Variants in DOCK11 observed in about 807,000 individuals in gnomAD.
DOCK11 encodes dedicator of cytokinesis protein 11.
A neutral mutation model predicts 169.1 loss-of-function variants in DOCK11; 70 were observed. That is an observed-to-expected ratio of 0.41 (90% CI 0.34 to 0.51). The LOEUF is 0.51. DOCK11 is among the 20% of genes least tolerant of loss of function. The pLI, the probability that DOCK11 is intolerant of heterozygous loss-of-function variation, is 0.10. For synonymous variants in DOCK11, 529 were observed against 541.3 expected, an observed-to-expected ratio of 0.98 and a Z score of 0.32; for missense variants, 1,166 against 1,538.8, an observed-to-expected ratio of 0.76 and a Z score of 4.05.
intron 12 of DOCK11, 118 bp from the exon 13 acceptor site, chrX:118,578,407 G>C (rs1300221737): frequency 1.3e-6 from 1 of 786,758 alleles, no homozygotes; most frequent in Non-Finnish European, 1.8e-6. Context: ...TCTATTTCTA[G>C]GGTCCTGGAC....
chrX:118,670,887 G>A (rs1251943101), intron 45 of DOCK11, 136 bp from the exon 46 acceptor site: 3 of 432,514 alleles, frequency 6.9e-6, no homozygotes, highest in East Asian at 4.1e-5. Context: ...CGTCACACAA[G>A]TATGTTCCTT....
chrX:118,619,338 G>A (rs1264722575), intron 31 of DOCK11, among the ~76,000 whole-genome samples: 2 of 104,639 alleles, frequency 1.9e-5, no homozygotes. Flanking sequence ...GCCGGGCGTG[G>A]TGGCACACAC....
rs948870892 is a variant in DOCK11 at position 118,615,766 on chromosome X, C to T, written c.3292+55C>T. ...TTTGTTTTTTTCCATGTTTTGCTAG[C>T]GCTAGTGTAGTATAATGTTTTCTAG... On this transcript the variant is annotated intron_variant, in intron 30 of 52. Transcript: ENST00000276202. 2.1e-5 allele frequency: 20 copies of T among 935,832 alleles called. No homozygotes were observed. In the Middle Eastern group the frequency reaches 7.9e-4, roughly 37 times the overall value. The allele number at this position is 935,832 out of a possible 1,213,427, so 77.1% of individuals were successfully genotyped here.
intron 6 of DOCK11, among the ~76,000 whole-genome samples, chrX:118,549,819 G>A (rs938350665): frequency 1.8e-5 from 2 of 110,421 alleles, no homozygotes; most frequent in African/African-American, 3.3e-5. Flanking sequence ...CTCCCACCTT[G>A]TCCTCCCAAA....
intron 20 of DOCK11, among the ~76,000 whole-genome samples, chrX:118,596,624 A>G (rs962044448): frequency 8.9e-6 from 1 of 112,281 alleles, no homozygotes; most frequent in African/African-American, 3.2e-5. Flanking sequence ...AGTAATTTCT[A>G]TAATGGAAAT....
At chrX:118,604,521 C>CTTTTTTTT (rs74504860) in intron 23 of DOCK11, among the ~76,000 whole-genome samples, 13 of 38,197 alleles carry the variant, frequency 3.4e-4, no homozygotes, top group Non-Finnish European at 4.2e-4. Flanking sequence ...GGTTTGTTTC[C>CTTTTTTTT]TTTTTTTTTT....
At chrX:118,676,551 A>T (rs935827401) in intron 47 of DOCK11, 40 bp from the exon 48 acceptor site, 1 of 830,334 alleles carries the variant, frequency 1.2e-6, no homozygotes, top group Non-Finnish European at 1.6e-6. Context: ...GTGTTTGCTC[A>T]TATTATTTAT....
chrX:118,511,275 C>G (rs748432849), intron 1 of DOCK11, among the ~76,000 whole-genome samples: 6 of 112,163 alleles, frequency 5.3e-5, no homozygotes, highest in Middle Eastern at 4.6e-3. Flanking sequence ...TACACATTCA[C>G]TATCTTCACT....
At chrX:118,510,075 A>G (rs532828569) in intron 1 of DOCK11, among the ~76,000 whole-genome samples, 2 of 112,237 alleles carry the variant, frequency 1.8e-5, no homozygotes, top group South Asian at 7.3e-4. Flanking sequence ...TAATTTAATC[A>G]TGCCTGCAAA....
intron 44 of DOCK11, 64 bp from the exon 45 acceptor site, chrX:118,662,622 G>A: frequency 1.6e-6 from 1 of 623,767 alleles, no homozygotes; most frequent in Non-Finnish European, 2.7e-6. Context: ...TCTCTGTAAG[G>A]CTCACTGTTA....
At chrX:118,536,652 A>G (rs2011764021) in intron 1 of DOCK11, among the ~76,000 whole-genome samples, 1 of 111,842 alleles carries the variant, frequency 8.9e-6, no homozygotes, top group African/African-American at 3.3e-5. Context: ...AAAGGGCATG[A>G]TAGATGCACA....
chrX:118,660,555 C>T (rs1174248618), intron 44 of DOCK11, among the ~76,000 whole-genome samples: 1 of 109,346 alleles, frequency 9.1e-6, no homozygotes, highest in Non-Finnish European at 1.9e-5. Flanking sequence ...AGCTCCACCT[C>T]CCGGGTTCAC....
intron 19 of DOCK11, among the ~76,000 whole-genome samples, chrX:118,591,743 T>C (rs1332112370): frequency 1.1e-5 from 1 of 91,954 alleles, no homozygotes; most frequent in Non-Finnish European, 2.2e-5. Flanking sequence ...TAACTCGTCA[T>C]TTAGCATTAG....
Position 118,643,554 on chromosome X carries a change from T to C in DOCK11, c.4358T>C (p.Leu1453Pro). 1 of 1,211,467 alleles carries C rather than the reference T, an allele frequency of 8.3e-7. No homozygotes were observed. Among genetic ancestry groups the C allele is most frequent in the Non-Finnish European group, 1.1e-6 (1 of 895,270 alleles). ...AAAAATGGACAATCTGAAGTGTCGC[T>C]GAAACATGTATTTGCCTCACTGAGA... The part of the protein sequence containing the change: ...FLKNGQSEVS[L>P]KHVFASLRAF... The change falls in exon 40 of 53, where the codon CTG becomes CCG. Residue 1453 changes from leucine (L) to proline (P), a missense_variant. Coordinates refer to ENST00000276202, the MANE Select transcript of DOCK11 (RefSeq NM_144658.4).
chrX:118,536,770 AT>A (rs2011769796), intron 1 of DOCK11, among the ~76,000 whole-genome samples: 1 of 111,640 alleles, frequency 9.0e-6, no homozygotes, highest in Non-Finnish European at 1.9e-5. Context: ...TCACCTCTGC[AT>A]TACCAGGGGC....
Position 118,496,914 on chromosome X carries a change from C to G in DOCK11, c.102+841C>G, listed in dbSNP as rs893000206. ...TGGGGGATGGGGATTCGAAAGCGCG[C>G]TGACTCCCTGGGAACCCTCCCAGAG... On this transcript the variant is annotated intron_variant, in intron 1 of 52. Coordinates refer to ENST00000276202, the MANE Select transcript of DOCK11 (RefSeq NM_144658.4). Among the ~76,000 whole-genome samples, 3 of 111,366 alleles carry G rather than the reference C, an allele frequency of 2.7e-5. No homozygotes were observed. In the East Asian group the frequency reaches 8.6e-4, roughly 32 times the overall value.
chrX:118,627,292 T>C (rs918420176), intron 32 of DOCK11, among the ~76,000 whole-genome samples: 1 of 110,745 alleles, frequency 9.0e-6, no homozygotes, highest in African/African-American at 3.3e-5. Context: ...TCTAGAATTA[T>C]GTCACTTGGC....
chrX:118,591,210 G>A (rs750351921), intron 19 of DOCK11, among the ~76,000 whole-genome samples: 1 of 111,624 alleles, frequency 9.0e-6, no homozygotes, highest in Non-Finnish European at 1.9e-5. Flanking sequence ...CCAGCCTTAG[G>A]CCTTGCTCAT....
chrX:118,614,624 T>C, intron 28 of DOCK11, 68 bp from the exon 29 acceptor site: 2 of 827,351 alleles, frequency 2.4e-6, no homozygotes, highest in Non-Finnish European at 3.5e-6. Flanking sequence ...TTTTAAAACT[T>C]TACATTTTTA....
Sources: allele counts gnomAD v4.1 joint callset (sites outside exome capture counted in the v4.1 genomes callset), GRCh38; gene constraint gnomAD v4.1.1; transcripts MANE v1.5; gene names NCBI Gene and HGNC (gene_info 2026-07-23, HGNC 2026-07-21).